CYTH1: variants seen among roughly 807,000 people sequenced by gnomAD.
CYTH1 encodes the protein cytohesin-1.
In CYTH1, 18 loss-of-function variants were observed where a neutral mutation model predicts 61.8. That is an observed-to-expected ratio of 0.29 (90% CI 0.20 to 0.43). The LOEUF (loss-of-function observed/expected upper bound fraction) is 0.43. Ranked by LOEUF, CYTH1 falls within the 20% of genes least tolerant of loss-of-function variation. The pLI is 1.00. For synonymous variants in CYTH1, 174 were observed against 184.3 expected, an observed-to-expected ratio of 0.94 and a Z score of 0.45; for missense variants, 336 against 510.5, an observed-to-expected ratio of 0.66 and a Z score of 3.29.
chr17:78,730,300 C>T (rs1331883163), intron 1 of CYTH1, among the ~76,000 whole-genome samples: 3 of 142,106 alleles, frequency 2.1e-5, no homozygotes, highest in Non-Finnish European at 4.6e-5. Context: ...CTGAGATGGG[C>T]GGATCACGAG....
chr17:78,705,243 G>A (rs1173750082), intron 3 of CYTH1, among the ~76,000 whole-genome samples: 1 of 152,002 alleles, frequency 6.6e-6, no homozygotes. Flanking sequence ...CCAGATATCC[G>A]CCAGTCACAG....
intron 1 of CYTH1, among the ~76,000 whole-genome samples, chr17:78,761,407 C>T (rs2093428150): frequency 6.6e-6 from 1 of 152,178 alleles, no homozygotes; most frequent in East Asian, 1.9e-4. Flanking sequence ...ACTAAAAGCA[C>T]TCACACTACT....
At chr17:78,769,023 G>A (rs1034706381) in intron 1 of CYTH1, among the ~76,000 whole-genome samples, 11 of 151,934 alleles carry the variant, frequency 7.2e-5, no homozygotes, top group African/African-American at 2.4e-4. Flanking sequence ...GCACATGCCT[G>A]TAATCACAGC....
chr17:78,752,857 TAATTA>T (rs1296413636), intron 1 of CYTH1, among the ~76,000 whole-genome samples: 10 of 152,242 alleles, frequency 6.6e-5, no homozygotes, highest in Non-Finnish European at 1.2e-4. Context: ...TTAAAATGCC[TAATTA>T]AATACAAAGC....
At chr17:78,780,722 T>G (rs2093513302) in intron 1 of CYTH1, among the ~76,000 whole-genome samples, 1 of 150,982 alleles carries the variant, frequency 6.6e-6, no homozygotes, top group African/African-American at 2.4e-5. Context: ...AGTAAAAAAT[T>G]AGGGCTGGGC....
intron 1 of CYTH1, among the ~76,000 whole-genome samples, chr17:78,772,119 G>T (rs1373019999): frequency 6.6e-6 from 1 of 152,140 alleles, no homozygotes; most frequent in Non-Finnish European, 1.5e-5. Flanking sequence ...GTGTGGCAAC[G>T]GAGCAAATGG....
chr17:78,698,028 T>C (rs2092959836), intron 9 of CYTH1, among the ~76,000 whole-genome samples: 1 of 152,178 alleles, frequency 6.6e-6, no homozygotes, highest in Non-Finnish European at 1.5e-5. Context: ...CGACCTTTGT[T>C]AGAACAGAAC....
chr17:78,711,303 AT>A (rs398120055), intron 1 of CYTH1, among the ~76,000 whole-genome samples: 3,020 of 54,450 alleles, frequency 0.055, 77 homozygotes, highest in South Asian at 0.2. Flanking sequence ...TAAATAAATA[AT>A]ATATATATAT....
intron 1 of CYTH1, among the ~76,000 whole-genome samples, chr17:78,763,384 G>A (rs1173430543): frequency 6.6e-6 from 1 of 151,580 alleles, no homozygotes; most frequent in East Asian, 1.9e-4. Flanking sequence ...ATACTTCCTA[G>A]AATAAAGTGG....
intron 1 of CYTH1, among the ~76,000 whole-genome samples, chr17:78,780,733 G>C (rs1007164402): frequency 6.6e-6 from 1 of 152,098 alleles, no homozygotes; most frequent in Non-Finnish European, 1.5e-5. Context: ...AGGGCTGGGC[G>C]CGGTGGCTCA....
chr17:78,730,468 G>A (rs12940760), intron 1 of CYTH1, among the ~76,000 whole-genome samples: 7,877 of 149,968 alleles, frequency 0.053, 391 homozygotes, highest in South Asian at 0.15. Context: ...GAACTCGGGA[G>A]GCAGAGCTTG....
At chr17:78,727,589 A>T (rs1048440333) in intron 1 of CYTH1, 12 of 444,734 alleles carry the variant, frequency 2.7e-5, no homozygotes, top group Non-Finnish European at 5.7e-5. Context: ...TGTAAGAAGG[A>T]GCTGACTAGG....
chr17:78,774,674 C>A (rs2093484154), intron 1 of CYTH1, among the ~76,000 whole-genome samples: 1 of 152,116 alleles, frequency 6.6e-6, no homozygotes, highest in Non-Finnish European at 1.5e-5. Context: ...GCAGCAGCAC[C>A]CAGACATGCC....
intron 1 of CYTH1, among the ~76,000 whole-genome samples, chr17:78,728,852 C>T (rs547609206): frequency 6.6e-6 from 1 of 152,224 alleles, no homozygotes; most frequent in South Asian, 2.1e-4. Flanking sequence ...AATAAATAGC[C>T]AGCTAGCCAT....
chr17:78,690,532 G>A (rs113139136), intron 11 of CYTH1, among the ~76,000 whole-genome samples: 4,816 of 140,480 alleles, frequency 0.034, 122 homozygotes, highest in Non-Finnish European at 0.048. Flanking sequence ...TTAAAAAACA[G>A]AAAACAAAAC....
chr17:78,680,113 A>T lies in CYTH1; in HGVS notation c.1118+77T>A, dbSNP rs556952092. ...CAGAAGAGATGCGGGCGGCATGTTT[A>T]ACCACTAAGATGATCAACACCTGGT... On this transcript the variant is annotated intron_variant, in intron 13 of 13. Coordinates refer to ENST00000446868, the MANE Select transcript of CYTH1 (RefSeq NM_004762.6). 3.6e-5 allele frequency: 56 copies of T among 1,555,416 alleles called. No homozygotes were observed. In the Admixed American group the frequency reaches 8.7e-4, roughly 24 times the overall value.
intron 1 of CYTH1, among the ~76,000 whole-genome samples, chr17:78,720,856 C>G (rs531266109): frequency 9.2e-5 from 14 of 152,304 alleles, no homozygotes; most frequent in African/African-American, 3.4e-4. Flanking sequence ...GCCTGGGCGA[C>G]AGAGAAAGAC....
intron 1 of CYTH1, among the ~76,000 whole-genome samples, chr17:78,767,898 T>C (rs1320975695): frequency 6.6e-6 from 1 of 152,168 alleles, no homozygotes; most frequent in Non-Finnish European, 1.5e-5. Context: ...ATCTTAGGGC[T>C]GTTGGAAATA....
intron 1 of CYTH1, among the ~76,000 whole-genome samples, chr17:78,726,892 G>T (rs1388264779): frequency 5.3e-5 from 8 of 152,270 alleles, no homozygotes; most frequent in Non-Finnish European, 8.8e-5. Context: ...GAAATAAGTG[G>T]TTTTTTGCCC....
Sources: gnomAD v4.1 joint callset for allele counts (sites outside exome capture counted in the v4.1 genomes callset) on GRCh38, gnomAD v4.1.1 for gene constraint, MANE v1.5 for transcripts, NCBI Gene and HGNC (gene_info 2026-07-23, HGNC 2026-07-21) for gene names.